Variants in SLC4A10 observed in about 807,000 individuals in gnomAD.
SLC4A10 encodes sodium-driven chloride bicarbonate exchanger.
A neutral mutation model predicts 137.7 loss-of-function variants in SLC4A10; 42 were observed. That is an observed-to-expected ratio of 0.30 (90% confidence interval 0.24 to 0.39). SLC4A10 has a LOEUF of 0.39. Ranked by LOEUF, SLC4A10 falls within the 10% of genes least tolerant of loss-of-function variation. The pLI, the probability that SLC4A10 is intolerant of heterozygous loss-of-function variation, is 1.00. For missense variants in SLC4A10, 925 were observed against 1,355.0 expected (o/e 0.68, Z 4.98); for synonymous variants, 474 against 464.1 (o/e 1.02, Z -0.27).
chr2:161,722,929 G>A (rs993460842), intron 1 of SLC4A10, among the ~76,000 whole-genome samples: 5 of 152,148 alleles, frequency 3.3e-5, no homozygotes, highest in East Asian at 1.9e-4. Context: ...ATCCAAATCC[G>A]ACCTAAAGAA....
At chr2:161,734,957 G>T (rs1415335135) in intron 1 of SLC4A10, among the ~76,000 whole-genome samples, 1 of 151,684 alleles carries the variant, frequency 6.6e-6, no homozygotes, top group Non-Finnish European at 1.5e-5. Context: ...AAAGTTTGTG[G>T]CAGTTTCTCC....
At position 161,829,681 on chromosome 2, in the gene SLC4A10, A is replaced by G. The variant is rs183964101; in HGVS notation, c.278-10108A>G. On this transcript the variant is annotated intron_variant, in intron 3 of 26. Transcript: ENST00000446997. ...TAAATATATTATTTGAGGATATTTT[A>G]CTTTTTTTCTATATTTATGTATTGG... 6.7e-4 allele frequency among the ~76,000 whole-genome samples: 102 copies of G among 152,280 alleles called. 1 individual carries two copies. The highest frequency in any genetic ancestry group is 2.3e-3 in the African/African-American group (97 of 41,564).
At chr2:161,880,677 A>C (rs1369372310) in intron 9 of SLC4A10, among the ~76,000 whole-genome samples, 2 of 152,138 alleles carry the variant, frequency 1.3e-5, no homozygotes, top group Admixed American at 1.3e-4. Flanking sequence ...GACAACCTGT[A>C]ACCTATTCAA....
chr2:161,859,809 C>T (rs2060328123), intron 5 of SLC4A10, among the ~76,000 whole-genome samples: 1 of 151,914 alleles, frequency 6.6e-6, no homozygotes. Flanking sequence ...ACCGTGTTAG[C>T]CAGGATGGTC....
chr2:161,874,542 A>C (rs1407184003), intron 8 of SLC4A10, among the ~76,000 whole-genome samples: 1 of 152,204 alleles, frequency 6.6e-6, no homozygotes, highest in African/African-American at 2.4e-5. Flanking sequence ...AAAACTATGG[A>C]AGAGTCAAAC....
intron 15 of SLC4A10, among the ~76,000 whole-genome samples, chr2:161,937,119 T>C (rs1217341694): frequency 4.6e-5 from 7 of 152,232 alleles, no homozygotes; most frequent in Admixed American, 2.0e-4. Context: ...GAGTATGTTG[T>C]TTAATTTCCA....
chr2:161,823,188 A>T (rs927428596), intron 3 of SLC4A10, among the ~76,000 whole-genome samples: 1 of 152,198 alleles, frequency 6.6e-6, no homozygotes, highest in African/African-American at 2.4e-5. Context: ...ATCAGGCCTT[A>T]TGTACACAAA....
intron 5 of SLC4A10, among the ~76,000 whole-genome samples, chr2:161,862,404 C>A (rs1027694514): frequency 2.0e-5 from 3 of 151,932 alleles, no homozygotes; most frequent in East Asian, 1.9e-4. Context: ...TTAGTCTGTA[C>A]TAGAAAATGG....
chr2:161,893,951 G>A (rs1297910156), intron 10 of SLC4A10, among the ~76,000 whole-genome samples: 1 of 151,814 alleles, frequency 6.6e-6, no homozygotes, highest in African/African-American at 2.4e-5. Context: ...ACTTATGATA[G>A]GTTTATCCAG....
intron 10 of SLC4A10, among the ~76,000 whole-genome samples, chr2:161,893,818 G>T (rs1448481054): frequency 6.6e-6 from 1 of 151,802 alleles, no homozygotes; most frequent in East Asian, 1.9e-4. Flanking sequence ...ACATTGTATA[G>T]ATATTATAAT....
intron 10 of SLC4A10, among the ~76,000 whole-genome samples, chr2:161,884,125 TCA>T (rs906450042): frequency 6.6e-6 from 1 of 152,134 alleles, no homozygotes; most frequent in Non-Finnish European, 1.5e-5. Context: ...GAGAAAACAC[TCA>T]CAGTATAAAA....
At chr2:161,687,885 C>T (rs1303849662) in intron 1 of SLC4A10, among the ~76,000 whole-genome samples, 1 of 152,114 alleles carries the variant, frequency 6.6e-6, no homozygotes, top group Non-Finnish European at 1.5e-5. Flanking sequence ...TTGAGGCCTC[C>T]CCAGCCATGT....
chr2:161,765,118 A>G (rs558251207), intron 1 of SLC4A10, among the ~76,000 whole-genome samples: 1 of 152,258 alleles, frequency 6.6e-6, no homozygotes, highest in African/African-American at 2.4e-5. Context: ...ATGGAGTAGA[A>G]TACCATAGAG....
At chr2:161,924,274 T>C (rs1013629960) in intron 15 of SLC4A10, among the ~76,000 whole-genome samples, 1 of 152,142 alleles carries the variant, frequency 6.6e-6, no homozygotes, top group African/African-American at 2.4e-5. Flanking sequence ...TTTTTCTTGA[T>C]TGATTTATTT....
In SLC4A10 at chr2:161,730,633, A is replaced by T. The variant is rs562658994; in HGVS notation, c.49-40340A>T. Among the ~76,000 whole-genome samples the T allele has an allele frequency of 1.2e-3, 180 of 152,296 alleles. 1 individual carries two copies. Among genetic ancestry groups the T allele is most frequent in the Middle Eastern group, 3.4e-3 (1 of 294 alleles). On this transcript the variant is annotated intron_variant, in intron 1 of 26. Coordinates refer to ENST00000446997, the MANE Select transcript of SLC4A10 (RefSeq NM_001178015.2). ...TCTCTGTCCTGAATTTGTTCAAACA[A>T]AGGTTAGTTAGGTGTGTCGTAGTTG...
intron 22 of SLC4A10, among the ~76,000 whole-genome samples, 179 bp from the exon 23 acceptor site, chr2:161,964,872 G>A (rs781244920): frequency 2.0e-5 from 3 of 151,992 alleles, no homozygotes; most frequent in Non-Finnish European, 4.4e-5. Context: ...TGGTGATGTA[G>A]TAAGAAAAGA....
At chr2:161,767,153 G>A (rs1215039454) in intron 1 of SLC4A10, among the ~76,000 whole-genome samples, 28 of 112,936 alleles carry the variant, frequency 2.5e-4, no homozygotes, top group African/African-American at 9.0e-4. Flanking sequence ...GTGTGTGTGT[G>A]TGTGTGTGTG....
intron 15 of SLC4A10, among the ~76,000 whole-genome samples, chr2:161,938,247 G>A (rs1301089932): frequency 6.6e-6 from 1 of 152,028 alleles, no homozygotes; most frequent in African/African-American, 2.4e-5. Context: ...CTCCAGTCTG[G>A]GGGACAGAGA....
intron 1 of SLC4A10, among the ~76,000 whole-genome samples, chr2:161,704,163 C>A (rs2043404427): frequency 6.6e-6 from 1 of 151,632 alleles, no homozygotes; most frequent in Admixed American, 6.6e-5. Flanking sequence ...ATTAGTTAGA[C>A]AAATAGTGTC....
Sources: allele counts gnomAD v4.1 joint callset (sites outside exome capture counted in the v4.1 genomes callset), GRCh38; gene constraint gnomAD v4.1.1; transcripts MANE v1.5; gene names NCBI Gene and HGNC (gene_info 2026-07-23, HGNC 2026-07-21).